The following RNF180 variants were observed in gnomAD, a reference collection of about 807,000 sequenced individuals.
The protein encoded by RNF180 is ring finger protein 180, also known as E3 ubiquitin-protein ligase RNF180.
Under a neutral mutation model 59.2 loss-of-function variants are expected in RNF180, and 38 were observed. The ratio of observed to expected loss-of-function variants is 0.64; its 90% CI spans 0.50 to 0.84. The LOEUF (loss-of-function observed/expected upper bound fraction) is 0.84. RNF180 is among the 40% of genes least tolerant of loss of function. The pLI is 0.00. For missense variants in RNF180, 705 were observed against 700.9 expected, an observed-to-expected ratio of 1.01 and a Z score of -0.07; for synonymous variants, 262 against 240.3, an observed-to-expected ratio of 1.09 and a Z score of -0.84.
rs935144247 is a variant in RNF180, at chr5:64,325,335, T to C, written c.1377T>C (p.Thr459=). The change falls in exon 6 of 8, where the codon ACT becomes ACC. Residue 459 remains threonine (T), a synonymous_variant. Transcript: ENST00000389100. The part of the protein sequence containing the change: ...HHIFCEPCLR[T]LAKDNPSSTP... ...TCTTCTGTGAGCCCTGCTTACGGACTCTGGCCAAAGACAATCCTTCAAGCA... is the reference window on the plus strand; with the variant it reads ...TCTTCTGTGAGCCCTGCTTACGGACCCTGGCCAAAGACAATCCTTCAAGCA... 3.9e-6 allele frequency: 6 copies of C among 1,551,714 alleles called. No homozygotes were observed. The highest frequency in any genetic ancestry group is 5.2e-6 in the Non-Finnish European group (6 of 1,146,970).
chr5:64,314,469 G>T (rs771259917), intron 5 of RNF180, among the ~76,000 whole-genome samples: 3 of 152,018 alleles, frequency 2.0e-5, no homozygotes, highest in Non-Finnish European at 4.4e-5. Context: ...GTACCTAATA[G>T]ATGTCTAGTG....
intron 5 of RNF180, among the ~76,000 whole-genome samples, chr5:64,254,937 C>A (rs546215781): frequency 3.9e-5 from 6 of 152,172 alleles, no homozygotes; most frequent in Admixed American, 1.3e-4. Context: ...GGGAGGAGAG[C>A]CCCATTTTCT....
chr5:64,360,463 C>CA (rs1252632542), intron 7 of RNF180, among the ~76,000 whole-genome samples: 1 of 151,652 alleles, frequency 6.6e-6, no homozygotes, highest in African/African-American at 2.4e-5. Context: ...ACTGAATGGG[C>CA]AAAAACTGGA....
At chr5:64,225,640 C>T (rs183728650) in intron 5 of RNF180, among the ~76,000 whole-genome samples, 3,366 of 135,196 alleles carry the variant, frequency 0.025, 66 homozygotes, top group African/African-American at 0.074. Context: ...CCGGCCGCCC[C>T]GTCTGGGAAG....
chr5:64,292,591 C>G (rs1268632034), intron 5 of RNF180, among the ~76,000 whole-genome samples: 4 of 152,152 alleles, frequency 2.6e-5, no homozygotes, highest in Non-Finnish European at 5.9e-5. Context: ...GGAGGTCTCA[C>G]CCAGTCACGA....
chr5:64,296,549 G>T (rs1742890574), intron 5 of RNF180, among the ~76,000 whole-genome samples: 1 of 151,972 alleles, frequency 6.6e-6, no homozygotes, highest in African/African-American at 2.4e-5. Context: ...GAAACTATGT[G>T]CATTTTTCTA....
chr5:64,264,633 A>T (rs1371653888), intron 5 of RNF180, among the ~76,000 whole-genome samples: 2 of 152,116 alleles, frequency 1.3e-5, no homozygotes, highest in African/African-American at 2.4e-5. Context: ...TCTATCATTG[A>T]TGGGCATTTG....
At chr5:64,309,623 CTT>C (rs1447252855) in intron 5 of RNF180, among the ~76,000 whole-genome samples, 4 of 151,202 alleles carry the variant, frequency 2.6e-5, no homozygotes, top group African/African-American at 9.7e-5. Flanking sequence ...ATAATTAATA[CTT>C]GGAGATCTCT....
chr5:64,199,114 G>A lies in RNF180; in HGVS notation c.1-1694G>A, dbSNP rs570559497. Among the ~76,000 whole-genome samples the A allele has an allele frequency of 1.6e-3, 248 of 152,252 alleles. 2 individuals are homozygous for A. The highest frequency in any genetic ancestry group is 5.5e-3 in the African/African-American group (227 of 41,550). On this transcript the variant is annotated intron_variant, in intron 1 of 7. Transcript: ENST00000389100. The stretch of plus-strand genomic sequence containing the variant: ...ATTACGGGCGTGAGCCACCACGCCC[G>A]GCCAAATTAAATGATTTTTGGTGGT...
At chr5:64,322,817 C>A in intron 5 of RNF180, among the ~76,000 whole-genome samples, 1 of 151,922 alleles carries the variant, frequency 6.6e-6, no homozygotes, top group East Asian at 1.9e-4. Context: ...AAGAATGACA[C>A]AATGGACTTT....
In RNF180 at chr5:64,257,593, A is replaced by G. The variant is rs958632887; in HGVS notation, c.1227+40197A>G. Among the ~76,000 whole-genome samples, 5 of 152,112 alleles carry G rather than the reference A, an allele frequency of 3.3e-5. No individual in the cohort carries two copies. In the East Asian group the frequency reaches 5.8e-4, roughly 18 times the overall value. On this transcript the variant is annotated intron_variant, in intron 5 of 7. Coordinates refer to ENST00000389100, the MANE Select transcript of RNF180 (RefSeq NM_001113561.2). ...GGATAAGCTTTTTGATGTGCTGCTG[A>G]ATTCGGTTTGCCAGTATTTTATTGA...
At chr5:64,306,055 A>G (rs1209796244) in intron 5 of RNF180, among the ~76,000 whole-genome samples, 1 of 151,682 alleles carries the variant, frequency 6.6e-6, no homozygotes, top group Non-Finnish European at 1.5e-5. Context: ...AAAAGTAGCT[A>G]ATTAGCTATA....
intron 7 of RNF180, among the ~76,000 whole-genome samples, chr5:64,346,359 CTTT>C (rs1162054033): frequency 2.8e-3 from 121 of 42,940 alleles, no homozygotes; most frequent in African/African-American, 9.7e-3. Context: ...TTCTTTTCTT[CTTT>C]TTTTTTTTTT....
chr5:64,247,097 T>C (rs1316841389), intron 5 of RNF180, among the ~76,000 whole-genome samples: 1 of 152,168 alleles, frequency 6.6e-6, no homozygotes, highest in Non-Finnish European at 1.5e-5. Context: ...AAACTGAGTA[T>C]TGATGGAACA....
intron 5 of RNF180, among the ~76,000 whole-genome samples, chr5:64,308,345 T>C (rs1297856046): frequency 6.6e-6 from 1 of 151,740 alleles, no homozygotes; most frequent in Non-Finnish European, 1.5e-5. Flanking sequence ...TATTCCCAGC[T>C]GAGGTCAAAC....
intron 1 of RNF180, among the ~76,000 whole-genome samples, chr5:64,192,903 G>GTATATATATATATATATATATA (rs70983610): frequency 1.9e-3 from 182 of 93,802 alleles, no homozygotes; most frequent in African/African-American, 4.0e-3. Context: ...AGTGTGGCAT[G>GTATATATATATATATATATATA]TATATATATA....
At chr5:64,171,311 G>A (rs1749921427) in intron 1 of RNF180, among the ~76,000 whole-genome samples, 1 of 152,204 alleles carries the variant, frequency 6.6e-6, no homozygotes, top group Non-Finnish European at 1.5e-5. Context: ...AGTAAAATGA[G>A]TGGCTCAGTT....
chr5:64,252,307 G>A (rs1289107266), intron 5 of RNF180, among the ~76,000 whole-genome samples: 1 of 152,130 alleles, frequency 6.6e-6, no homozygotes, highest in Non-Finnish European at 1.5e-5. Flanking sequence ...GGGAAGTTGA[G>A]GAGATATTGG....
At chr5:64,246,990 C>G (rs1339620773) in intron 5 of RNF180, among the ~76,000 whole-genome samples, 1 of 152,188 alleles carries the variant, frequency 6.6e-6, no homozygotes, top group Non-Finnish European at 1.5e-5. Context: ...ATCACATAAA[C>G]AGAACCAATG....
Sources: allele counts gnomAD v4.1 joint callset (sites outside exome capture counted in the v4.1 genomes callset), GRCh38; gene constraint gnomAD v4.1.1; transcripts MANE v1.5; gene names NCBI Gene and HGNC (gene_info 2026-07-23, HGNC 2026-07-21).